Variants in TIAM1 observed in about 807,000 individuals in gnomAD.
The protein encoded by TIAM1 is TIAM Rac1 associated GEF 1.
A neutral mutation model predicts 163.5 loss-of-function variants in TIAM1; 65 were observed. That is an observed-to-expected ratio of 0.40 (90% confidence interval 0.33 to 0.49). The LOEUF (loss-of-function observed/expected upper bound fraction) is 0.49. Among genes scored for constraint, TIAM1 ranks in the 20% least tolerant of loss-of-function variants. TIAM1 has a pLI of 0.77. For missense variants in TIAM1, 1,789 were observed against 2,044.7 expected (o/e 0.87, Z 2.41); for synonymous variants, 833 against 810.1 (o/e 1.03, Z -0.48).
chr21:31,339,802 T>C (rs2075961879), intron 1 of TIAM1, among the ~76,000 whole-genome samples: 1 of 152,106 alleles, frequency 6.6e-6, no homozygotes, highest in Non-Finnish European at 1.5e-5. Flanking sequence ...TTTCCAAAAG[T>C]GATGATCTCT....
At chr21:31,351,225 T>C (rs967671816) in intron 2 of TIAM1, among the ~76,000 whole-genome samples, 3 of 152,204 alleles carry the variant, frequency 2.0e-5, no homozygotes, top group African/African-American at 7.2e-5. Flanking sequence ...GGAGGTCTTA[T>C]AAATCACTCA....
chr21:31,240,979 A>G (rs1204482154), intron 6 of TIAM1, among the ~76,000 whole-genome samples: 4 of 152,096 alleles, frequency 2.6e-5, no homozygotes, highest in African/African-American at 9.7e-5. Context: ...AGGTCTTTCC[A>G]TGCTGTTCTC....
At chr21:31,154,505 G>GC in intron 16 of TIAM1, 79 bp from the exon 17 acceptor site, 1 of 1,456,124 alleles carries the variant, frequency 6.9e-7, no homozygotes, top group Admixed American at 2.1e-5. Flanking sequence ...CCGCCTAGAG[G>GC]TGTTCTCCCT....
chr21:31,181,552 T>C (rs1300168237), intron 15 of TIAM1, among the ~76,000 whole-genome samples: 1 of 151,734 alleles, frequency 6.6e-6, no homozygotes, highest in African/African-American at 2.4e-5. Context: ...AGTCTTCAGG[T>C]TGAAAAAGTC....
intron 22 of TIAM1, among the ~76,000 whole-genome samples, chr21:31,138,437 T>C (rs754481487): frequency 2.6e-5 from 4 of 152,266 alleles, no homozygotes; most frequent in Admixed American, 1.3e-4. Context: ...CAGCAGATAC[T>C]GATAAATGTT....
chr21:31,183,766 C>T (rs1181087155), intron 14 of TIAM1, among the ~76,000 whole-genome samples: 1 of 150,548 alleles, frequency 6.6e-6, no homozygotes, highest in Non-Finnish European at 1.5e-5. Context: ...GCGATCTTGG[C>T]TCACTGCAAC....
chr21:31,334,998 C>T (rs2075793605), intron 2 of TIAM1, among the ~76,000 whole-genome samples: 1 of 152,110 alleles, frequency 6.6e-6, no homozygotes, highest in African/African-American at 2.4e-5. Context: ...GCCATCTGTC[C>T]CTGCCATGCC....
intron 1 of TIAM1, among the ~76,000 whole-genome samples, chr21:31,473,203 G>A (rs2045809800): frequency 6.6e-6 from 1 of 152,162 alleles, no homozygotes; most frequent in Non-Finnish European, 1.5e-5. Context: ...GGCCAAGCGG[G>A]CAGATCACGA....
intron 12 of TIAM1, among the ~76,000 whole-genome samples, chr21:31,195,658 G>A (rs2085809062): frequency 6.6e-6 from 1 of 152,146 alleles, no homozygotes; most frequent in Non-Finnish European, 1.5e-5. Context: ...AAAGATCTTG[G>A]TATGGAATTC....
chr21:31,527,402 T>C (rs1209826504), intron 1 of TIAM1, among the ~76,000 whole-genome samples: 2 of 152,146 alleles, frequency 1.3e-5, no homozygotes, highest in Non-Finnish European at 2.9e-5. Flanking sequence ...AGGAAAGTTC[T>C]AAAAATAGAG....
chr21:31,458,404 G>C (rs953098246), intron 2 of TIAM1, among the ~76,000 whole-genome samples: 3 of 151,218 alleles, frequency 2.0e-5, no homozygotes, highest in Non-Finnish European at 1.5e-5. Flanking sequence ...TGGGCAACAA[G>C]AGCGAAACTC....
chr21:31,443,644 G>T (rs743414), intron 2 of TIAM1, among the ~76,000 whole-genome samples: 28,996 of 152,104 alleles, frequency 0.19, 3,692 homozygotes, highest in East Asian at 0.65. Flanking sequence ...ACCACTGGAA[G>T]AAAATCCCCT....
intron 12 of TIAM1, among the ~76,000 whole-genome samples, chr21:31,201,794 A>G (rs1034195478): frequency 6.6e-6 from 1 of 152,230 alleles, no homozygotes; most frequent in African/African-American, 2.4e-5. Flanking sequence ...CTAAGAACAG[A>G]GAGAGCACAG....
At chr21:31,317,094 A>C (rs2075149074) in intron 2 of TIAM1, among the ~76,000 whole-genome samples, 1 of 152,204 alleles carries the variant, frequency 6.6e-6, no homozygotes, top group Non-Finnish European at 1.5e-5. Flanking sequence ...CAGGAAAAAG[A>C]GCTTCTCAAA....
rs28544233 is a variant in TIAM1, at chr21:31,358,398, C to T, written c.-368-18976G>A. ...AACTCTTGGAGATCCCCTCCGGTCT[C>T]ATGACTGCGAATACTTTCCACATGC... On this transcript the variant is annotated intron_variant, in intron 2 of 28. Transcript: ENST00000286827. 4.2e-3 allele frequency among the ~76,000 whole-genome samples: 638 copies of T among 152,312 alleles called. 3 individuals are homozygous for T. The highest frequency in any genetic ancestry group is 0.014 in the African/African-American group (599 of 41,574).
Position 31,469,567 on chromosome 21 carries a change from G to A in TIAM1, c.-421-5532C>T, listed in dbSNP as rs547233496. On this transcript the variant is annotated intron_variant, in intron 1 of 28. Transcript: ENST00000286827. ...TTTCTGGCCAGGCACGGTGGCTCAC[G>A]CCTGTAATCCCAGCACTTTGGGAGG... is the stretch of plus-strand genomic sequence containing the variant. Among the ~76,000 whole-genome samples the A allele has an allele frequency of 1.6e-3, 249 of 152,222 alleles. 1 individual carries two copies. The highest frequency in any genetic ancestry group is 5.6e-3 in the African/African-American group (232 of 41,550).
At chr21:31,512,806 T>C (rs1362208974) in intron 1 of TIAM1, among the ~76,000 whole-genome samples, 1 of 151,666 alleles carries the variant, frequency 6.6e-6, no homozygotes, top group Admixed American at 6.6e-5. Context: ...TTTGTTTGTT[T>C]GTTTGTTTTG....
chr21:31,127,014 C>T, intron 26 of TIAM1, 51 bp downstream of exon 26: 2 of 1,582,528 alleles, frequency 1.3e-6, no homozygotes, highest in Non-Finnish European at 1.7e-6. Flanking sequence ...CCAAACCGTT[C>T]CAATCTGCAG....
chr21:31,130,321 G>A lies in TIAM1; in HGVS notation c.3943-6C>T. ...GAAAGCCTGTGAGATCCTACCTGCAGAGGAGAAGGAACCAGCTGCATAAGA... is the reference window on the plus strand; with the variant it reads ...GAAAGCCTGTGAGATCCTACCTGCAAAGGAGAAGGAACCAGCTGCATAAGA... On this transcript the variant is annotated splice_region_variant and splice_polypyrimidine_tract_variant and intron_variant, in intron 24 of 27. Transcript: ENST00000541036. 1 of 1,610,368 alleles carries A rather than the reference G, an allele frequency of 6.2e-7. No individual in the cohort carries two copies. Among genetic ancestry groups the A allele is most frequent in the Non-Finnish European group, 8.5e-7 (1 of 1,176,728 alleles).
Sources: allele counts gnomAD v4.1 joint callset (sites outside exome capture counted in the v4.1 genomes callset), GRCh38; gene constraint gnomAD v4.1.1; transcripts MANE v1.5; gene names NCBI Gene and HGNC (gene_info 2026-07-23, HGNC 2026-07-21).